The following FGF14 variants were observed in gnomAD, a reference collection of about 807,000 sequenced individuals.
FGF14 encodes the protein fibroblast growth factor 14, also known as fibroblast growth factor homologous factor 4.
Under a neutral mutation model 25.5 loss-of-function variants are expected in FGF14, and 5 were observed. The ratio of observed to expected loss-of-function variants is 0.20; its 90% CI spans 0.10 to 0.41. FGF14 has a LOEUF of 0.41. FGF14 is among the 10% of genes least tolerant of loss of function. The pLI is 1.00. For missense variants in FGF14, 222 were observed against 320.1 expected (o/e 0.69, Z 2.34); for synonymous variants, 138 against 118.3 (o/e 1.17, Z -1.08).
chr13:102,072,971 C>G (rs1351016905), intron 1 of FGF14, among the ~76,000 whole-genome samples: 1 of 152,184 alleles, frequency 6.6e-6, no homozygotes, highest in Non-Finnish European at 1.5e-5. Flanking sequence ...GAAAATATAT[C>G]TTACTTCTTA....
At chr13:101,785,026 C>G (rs566279576) in intron 3 of FGF14, among the ~76,000 whole-genome samples, 3 of 152,256 alleles carry the variant, frequency 2.0e-5, no homozygotes, top group African/African-American at 7.2e-5. Flanking sequence ...AAACAACCAA[C>G]CCCAGATCTG....
intron 1 of FGF14, among the ~76,000 whole-genome samples, chr13:102,186,359 C>G (rs975884055): frequency 6.6e-6 from 1 of 152,124 alleles, no homozygotes; most frequent in Admixed American, 6.6e-5. Context: ...AAAGATCTCA[C>G]TGACTGCCAA....
At chr13:101,981,648 AAC>A (rs869123712) in intron 1 of FGF14, among the ~76,000 whole-genome samples, 1 of 91,228 alleles carries the variant, frequency 1.1e-5, no homozygotes, top group Non-Finnish European at 2.3e-5. Flanking sequence ...ATAATTAAAA[AAC>A]AACAACAACA....
At chr13:101,977,411 G>T (rs73569536) in intron 1 of FGF14, among the ~76,000 whole-genome samples, 86 of 152,182 alleles carry the variant, frequency 5.7e-4, no homozygotes, top group African/African-American at 1.9e-3. Context: ...TTGGCAGATT[G>T]ATCCCAAATT....
At chr13:102,145,663 A>C (rs926244189) in intron 1 of FGF14, among the ~76,000 whole-genome samples, 1 of 152,174 alleles carries the variant, frequency 6.6e-6, no homozygotes, top group African/African-American at 2.4e-5. Flanking sequence ...GTTATGCTGC[A>C]TAGCAATAGC....
chr13:102,339,035 G>T (rs1321270175), intron 1 of FGF14, among the ~76,000 whole-genome samples: 1 of 148,350 alleles, frequency 6.7e-6, no homozygotes, highest in Non-Finnish European at 1.5e-5. Context: ...AGAAAGAAAA[G>T]AAAAGTTCCC....
chr13:102,388,043 G>T (rs1269238702), intron 1 of FGF14, among the ~76,000 whole-genome samples: 1 of 152,060 alleles, frequency 6.6e-6, no homozygotes, highest in African/African-American at 2.4e-5. Flanking sequence ...GTAGTTTTTT[G>T]ATCCTCAACT....
At position 101,916,578 on chromosome 13, in the gene FGF14, C is replaced by G. The variant is rs770151212; in HGVS notation, c.68G>C (p.Arg23Pro). The G allele has an allele frequency of 1.2e-6, 2 of 1,608,192 alleles. No individual in the cohort carries two copies. Among genetic ancestry groups the G allele is most frequent in the Non-Finnish European group, 1.7e-6 (2 of 1,177,918 alleles). ...KRQAREQHWD[R>P]PSASRRRSSP... Reference sequence around the variant, plus strand: ...GCTCCGCCTCCTGCTGGCAGACGGCCGGTCCCAGTGCTGCTCCCGCGCCTG... The same window carrying G: ...GCTCCGCCTCCTGCTGGCAGACGGCGGGTCCCAGTGCTGCTCCCGCGCCTG... Residue 23 changes from arginine (R) to proline (P), a missense_variant, in exon 1 of 5, where the codon CGG becomes CCG. Physicochemically the swap from Arg to Pro is moderately radical, Grantham distance 103. Transcript: ENST00000376143.
At chr13:102,260,033 T>C (rs2141112157) in intron 1 of FGF14, among the ~76,000 whole-genome samples, 1 of 152,052 alleles carries the variant, frequency 6.6e-6, no homozygotes, top group East Asian at 1.9e-4. Context: ...GGTGAGCACA[T>C]CACTAGCGAA....
chr13:102,150,107 G>A lies in FGF14; in HGVS notation c.208+251364C>T, dbSNP rs146800679. On this transcript the variant is annotated intron_variant, in intron 1 of 4. Transcript: ENST00000376131. ...AAGACAGTGGAAAGAGCATTGATCA[G>A]GGAACTGAGAAATTTTTCTGGTCTC... Among the ~76,000 whole-genome samples, 282 of 152,228 alleles carry A rather than the reference G, an allele frequency of 1.9e-3. 2 individuals carry two copies. The highest frequency in any genetic ancestry group is 6.2e-3 in the African/African-American group (259 of 41,536).
chr13:101,796,673 T>C (rs982799109), intron 3 of FGF14, among the ~76,000 whole-genome samples: 3 of 151,924 alleles, frequency 2.0e-5, no homozygotes, highest in Admixed American at 6.6e-5. Flanking sequence ...GGAATGACTA[T>C]GAAAAGACAC....
At chr13:102,021,103 C>T (rs1318339244) in intron 1 of FGF14, among the ~76,000 whole-genome samples, 1 of 151,730 alleles carries the variant, frequency 6.6e-6, no homozygotes, top group Non-Finnish European at 1.5e-5. Flanking sequence ...GGAAGAAAAA[C>T]ACTGGAGATA....
At chr13:101,757,123 T>C (rs907253931) in intron 3 of FGF14, among the ~76,000 whole-genome samples, 5 of 152,188 alleles carry the variant, frequency 3.3e-5, no homozygotes, top group Middle Eastern at 3.2e-3. Flanking sequence ...GTGTTCAACA[T>C]TAATTTCTTA....
At chr13:102,068,857 C>T (rs968322812) in intron 1 of FGF14, among the ~76,000 whole-genome samples, 17 of 152,222 alleles carry the variant, frequency 1.1e-4, no homozygotes, top group Non-Finnish European at 2.2e-4. Context: ...CTGAGGAGTG[C>T]GAGCACAGGG....
At chr13:102,223,171 T>A (rs115356665) in intron 1 of FGF14, among the ~76,000 whole-genome samples, 1,530 of 152,270 alleles carry the variant, frequency 0.01, 32 homozygotes, top group African/African-American at 0.034. Flanking sequence ...TTTACCAAAA[T>A]TTAGTATGAG....
chr13:102,296,266 A>T (rs563606216), intron 1 of FGF14, among the ~76,000 whole-genome samples: 1 of 152,172 alleles, frequency 6.6e-6, no homozygotes, highest in African/African-American at 2.4e-5. Flanking sequence ...ATAGATTGAC[A>T]TAGTGTAGGA....
At chr13:101,904,111 T>G (rs1394589555) in intron 1 of FGF14, among the ~76,000 whole-genome samples, 1 of 152,186 alleles carries the variant, frequency 6.6e-6, no homozygotes, top group Non-Finnish European at 1.5e-5. Flanking sequence ...TCTATCAAAT[T>G]GTCTTGTTCA....
At chr13:102,379,514 GTA>G (rs202178545) in intron 1 of FGF14, among the ~76,000 whole-genome samples, 7 of 149,364 alleles carry the variant, frequency 4.7e-5, no homozygotes, top group African/African-American at 7.3e-5. Flanking sequence ...TCAGTTTAAA[GTA>G]TATATATATA....
intron 3 of FGF14, among the ~76,000 whole-genome samples, chr13:101,760,047 A>C (rs1257076776): frequency 1.3e-5 from 2 of 152,116 alleles, no homozygotes; most frequent in Non-Finnish European, 2.9e-5. Context: ...AATAGGGGTG[A>C]CTCCAATGGT....
Sources: allele counts gnomAD v4.1 joint callset (sites outside exome capture counted in the v4.1 genomes callset), GRCh38; gene constraint gnomAD v4.1.1; transcripts MANE v1.5; gene names NCBI Gene and HGNC (gene_info 2026-07-23, HGNC 2026-07-21).